CFAP57: variants seen among roughly 807,000 people sequenced by gnomAD.
CFAP57 encodes the protein cilia- and flagella-associated protein 57.
In CFAP57, 116 loss-of-function variants were observed where a neutral mutation model predicts 146.8. That is an observed-to-expected ratio of 0.79 (90% CI 0.68 to 0.92). CFAP57 has a LOEUF of 0.92. Among genes scored for constraint, CFAP57 ranks in the 40% least tolerant of loss-of-function variants. CFAP57 has a pLI of 0.00. For missense variants in CFAP57, 1,377 were observed against 1,527.2 expected, an observed-to-expected ratio of 0.90 and a Z score of 1.64; for synonymous variants, 518 against 552.8, an observed-to-expected ratio of 0.94 and a Z score of 0.88.
At position 43,186,781 on chromosome 1, in the gene CFAP57, C is replaced by T; in HGVS notation, c.1044C>T (p.Pro348=). The T allele has an allele frequency of 6.2e-7, 1 of 1,614,204 alleles. No individual in the cohort carries two copies. The highest frequency in any genetic ancestry group is 1.1e-5 in the South Asian group (1 of 91,086). Reference sequence around the variant, plus strand: ...ACGTTCTCTGCCTGTGCTTCAGCCCCTCAGAGGAAACTCTGGTTGCCAGCA... The same window carrying T: ...ACGTTCTCTGCCTGTGCTTCAGCCCTTCAGAGGAAACTCTGGTTGCCAGCA... ...KQDVLCLCFS[P]SEETLVASTS... The change falls in exon 6 of 23, where the codon CCC becomes CCT. Residue 348 remains proline (P), a synonymous_variant. Transcript: ENST00000372492.
intron 21 of CFAP57, among the ~76,000 whole-genome samples, chr1:43,237,440 G>A (rs1048162252): frequency 9.2e-5 from 14 of 152,196 alleles, no homozygotes; most frequent in African/African-American, 3.1e-4. Context: ...CAAGATGAAC[G>A]TGATAGTGTT....
At position 43,181,848 on chromosome 1, in the gene CFAP57, C is replaced by T. The variant is rs1645422954; in HGVS notation, c.472C>T (p.Gln158Ter). 6.2e-7 allele frequency: 1 copy of T among 1,613,988 alleles called. No homozygotes were observed. Among genetic ancestry groups the T allele is most frequent in the Non-Finnish European group, 8.5e-7 (1 of 1,179,870 alleles). Residue 158 changes from glutamine (Q) to a stop codon, truncating the protein, a stop_gained and splice_region_variant, in exon 3 of 23, where the codon CAG becomes TAG. Transcript: ENST00000372492. LOFTEE classifies it high-confidence loss of function. ...CGACACTCAGAACAACCCTGTCTAC[C>T]AGGTACCTAGTAGTGTGACAAGTAT... ...RIDTQNNPVY[Q>*]VSFSPQDNTQ...
At chr1:43,237,033 G>A (rs1204075644) in intron 21 of CFAP57, among the ~76,000 whole-genome samples, 1 of 152,164 alleles carries the variant, frequency 6.6e-6, no homozygotes, top group East Asian at 1.9e-4. Flanking sequence ...GGTGCCTGTG[G>A]ACTGCAGGTG....
At position 43,238,654 on chromosome 1, in the gene CFAP57, CG is replaced by C. The variant is rs1645792726; in HGVS notation, c.3405+4018del. ...ACCTCAATGTGACCTCGGGACCCCT[CG>C]GAACACAGGCCACCCCAGAAAACAT... is the stretch of plus-strand genomic sequence containing the variant. On this transcript the variant is annotated intron_variant, in intron 21 of 22. Transcript: ENST00000372492. This position sits in a 1 kb window ranked among gnomAD's most constrained non-coding sequence, Gnocchi z 4.3. Among the ~76,000 whole-genome samples, 1 of 152,166 alleles carries C rather than the reference CG, an allele frequency of 6.6e-6. No homozygotes were observed. The highest frequency in any genetic ancestry group is 6.5e-5 in the Admixed American group (1 of 15,274).
chr1:43,185,051 C>G (rs1008496879), intron 4 of CFAP57, 98 bp from the exon 5 acceptor site: 6 of 1,338,434 alleles, frequency 4.5e-6, no homozygotes, highest in Non-Finnish European at 6.4e-6. Context: ...TGGGTGGTTT[C>G]TGTCACACCC....
chr1:43,185,826 G>A (rs376579017), intron 5 of CFAP57, among the ~76,000 whole-genome samples: 3 of 152,088 alleles, frequency 2.0e-5, no homozygotes, highest in African/African-American at 7.2e-5. Context: ...GCTGAGGCAG[G>A]AGAATAGCTT....
In CFAP57 at chr1:43,198,484, C is replaced by A. The variant is rs780497562; in HGVS notation, c.1266C>A (p.Thr422=). ...CAGTAATTGATCTTTTTCACAGCAC[C>A]CTGGAACTATTTAAGGAATACCAAG... The part of the protein sequence containing the change: ...SIRLWNYETN[T]LELFKEYQEE... The change falls in exon 8 of 23, where the codon ACC becomes ACA. Residue 422 remains threonine (T), a synonymous_variant. Coordinates refer to ENST00000372492, the MANE Select transcript of CFAP57 (RefSeq NM_001378189.1). The A allele has an allele frequency of 1.9e-6, 3 of 1,613,830 alleles. No individual in the cohort carries two copies. The South Asian group carries it at 3.3e-5, about 18-fold the overall frequency.
intron 2 of CFAP57, among the ~76,000 whole-genome samples, chr1:43,179,367 A>C (rs1231757987): frequency 1.3e-5 from 2 of 152,238 alleles, no homozygotes; most frequent in African/African-American, 4.8e-5. Flanking sequence ...GAAACAATGC[A>C]AAAGCATTTT....
At chr1:43,237,362 T>C (rs1347461437) in intron 21 of CFAP57, among the ~76,000 whole-genome samples, 1 of 152,244 alleles carries the variant, frequency 6.6e-6, no homozygotes, top group Non-Finnish European at 1.5e-5. Context: ...ACATGCATTT[T>C]ATTCATTCAG....
chr1:43,221,749 A>C (rs1645052481), intron 14 of CFAP57, among the ~76,000 whole-genome samples: 1 of 152,202 alleles, frequency 6.6e-6, no homozygotes, highest in African/African-American at 2.4e-5. Context: ...CGTACTTGCC[A>C]GGTGCTCTGG....
At position 43,213,383 on chromosome 1, in the gene CFAP57, C is replaced by A. The variant is rs531767153; in HGVS notation, c.1930-1872C>A. Among the ~76,000 whole-genome samples the A allele has an allele frequency of 1.7e-4, 26 of 152,258 alleles. No individual in the cohort carries two copies. The South Asian group carries it at 3.1e-3, about 18-fold the overall frequency. On this transcript the variant is annotated intron_variant, in intron 11 of 22. Coordinates refer to ENST00000372492, the MANE Select transcript of CFAP57 (RefSeq NM_001378189.1). The stretch of plus-strand genomic sequence containing the variant: ...GTTGCTGCAAAAACATGATTTCATT[C>A]ATTTTTTACGGCCAAATAGTATTCC...
At chr1:43,221,232 T>G (rs1645032381) in intron 13 of CFAP57, 140 bp from the exon 14 acceptor site, 1 of 524,040 alleles carries the variant, frequency 1.9e-6, no homozygotes, top group African/African-American at 1.9e-5. Context: ...GGTTGCTGCT[T>G]CATAGAACAG....
intron 6 of CFAP57, among the ~76,000 whole-genome samples, chr1:43,195,506 C>T (rs140196147): frequency 6.7e-5 from 10 of 149,406 alleles, no homozygotes; most frequent in African/African-American, 2.2e-4. Flanking sequence ...GGCATCAGAG[C>T]GAGACTCCAT....
rs149042629 is a variant in CFAP57, at chr1:43,244,632, C to T, written c.3538+1273C>T. The stretch of plus-strand genomic sequence containing the variant: ...AGACTGAGATACTTGGGGCCAGGTG[C>T]GGTGGCTCACATCTGTAATCCCAGC... On this transcript the variant is annotated intron_variant, in intron 22 of 22. Transcript: ENST00000372492. Among the ~76,000 whole-genome samples, 482 of 152,184 alleles carry T rather than the reference C, an allele frequency of 3.2e-3. 3 individuals carry two copies. The highest frequency in any genetic ancestry group is 0.011 in the African/African-American group (440 of 41,516).
At chr1:43,182,511 T>C (rs1197170827) in intron 3 of CFAP57, among the ~76,000 whole-genome samples, 1 of 152,212 alleles carries the variant, frequency 6.6e-6, no homozygotes, top group Non-Finnish European at 1.5e-5. Context: ...TAGACTCAAT[T>C]ATTCAACTCA....
chr1:43,232,921 G>A (rs1425475579), intron 19 of CFAP57, among the ~76,000 whole-genome samples: 1 of 152,232 alleles, frequency 6.6e-6, no homozygotes, highest in Non-Finnish European at 1.5e-5. Flanking sequence ...TACGTGCTCA[G>A]AGAGGCAATT....
In CFAP57 at chr1:43,215,316, C is replaced by T. The variant is rs1404724907; in HGVS notation, c.1991C>T (p.Thr664Ile). Residue 664 changes from threonine to isoleucine, a missense_variant, in exon 12 of 23, where the codon ACC becomes ATC. Transcript: ENST00000372492. ...GCTGCTGAGGATGGCTGCCTGTTCA[C>T]CTGGAAGGTCTTTGATAAGGATGGC... ...LTAAEDGCLF[T>I]WKVFDKDGRG... 1 of 1,551,298 alleles carries T rather than the reference C, an allele frequency of 6.4e-7. No homozygotes were observed. The highest frequency in any genetic ancestry group is 2.4e-5 in the East Asian group (1 of 40,926).
chr1:43,179,880 C>G (rs1645318845), intron 2 of CFAP57, among the ~76,000 whole-genome samples: 1 of 152,016 alleles, frequency 6.6e-6, no homozygotes, highest in Admixed American at 6.6e-5. Context: ...CTTTTGATTT[C>G]ATGGCCCCCT....
intron 6 of CFAP57, among the ~76,000 whole-genome samples, chr1:43,189,235 C>G (rs1304480834): frequency 6.6e-6 from 1 of 152,226 alleles, no homozygotes; most frequent in East Asian, 1.9e-4. Context: ...GTGTCCCTTG[C>G]AATTCCATAT....
Sources: allele counts gnomAD v4.1 joint callset (sites outside exome capture counted in the v4.1 genomes callset), GRCh38; gene constraint gnomAD v4.1.1; non-coding constraint Gnocchi (gnomAD v3.1); transcripts MANE v1.5; gene names NCBI Gene and HGNC (gene_info 2026-07-23, HGNC 2026-07-21).